The following P3H2 variants were observed in gnomAD, a reference collection of about 807,000 sequenced individuals.
P3H2 encodes prolyl 3-hydroxylase 2, also known as leprecan-like 1.
Under a neutral mutation model 87.0 loss-of-function variants are expected in P3H2, and 80 were observed. That is an observed-to-expected ratio of 0.92 (90% CI 0.77 to 1.11). P3H2 has a LOEUF of 1.11. P3H2 is among the 50% of genes least tolerant of loss of function. The pLI is 0.00. For synonymous variants in P3H2, 367 were observed against 359.3 expected, an observed-to-expected ratio of 1.02 and a Z score of -0.24; for missense variants, 1,001 against 923.9, an observed-to-expected ratio of 1.08 and a Z score of -1.08.
chr3:190,049,805 T>A (rs372918610), intron 1 of P3H2, among the ~76,000 whole-genome samples: 50 of 152,322 alleles, frequency 3.3e-4, no homozygotes, highest in African/African-American at 1.2e-3. Flanking sequence ...TCACCTCCTT[T>A]AAGTGCATTT....
At chr3:190,076,477 G>C (rs1346988997) in intron 1 of P3H2, among the ~76,000 whole-genome samples, 1 of 152,160 alleles carries the variant, frequency 6.6e-6, no homozygotes, top group African/African-American at 2.4e-5. Flanking sequence ...TATTACTACA[G>C]CTGCAGCAAA....
intron 1 of P3H2, among the ~76,000 whole-genome samples, chr3:190,001,973 C>T (rs1724230560): frequency 6.6e-6 from 1 of 152,108 alleles, no homozygotes; most frequent in Non-Finnish European, 1.5e-5. Context: ...GCAGTTTGTT[C>T]AACCTACTGA....
At chr3:190,053,858 G>A (rs927373494) in intron 1 of P3H2, among the ~76,000 whole-genome samples, 2 of 152,026 alleles carry the variant, frequency 1.3e-5, no homozygotes, top group African/African-American at 2.4e-5. Context: ...TAATCAAGAC[G>A]TATTTTTCAA....
chr3:190,018,161 C>T (rs1724827827), intron 1 of P3H2, among the ~76,000 whole-genome samples: 1 of 152,166 alleles, frequency 6.6e-6, no homozygotes, highest in South Asian at 2.1e-4. Flanking sequence ...TCTATTTTAA[C>T]ATCGATTTTA....
intron 1 of P3H2, among the ~76,000 whole-genome samples, chr3:190,085,007 G>C (rs977278577): frequency 1.3e-5 from 2 of 151,864 alleles, no homozygotes; most frequent in African/African-American, 4.8e-5. Context: ...AAAAATTTAA[G>C]ATGGTGTTCA....
intron 14 of P3H2, among the ~76,000 whole-genome samples, chr3:189,962,146 CTTT>C (rs1722834082): frequency 8.5e-6 from 1 of 117,688 alleles, no homozygotes; most frequent in African/African-American, 3.1e-5. Flanking sequence ...GCCTTTCTTT[CTTT>C]TTCTTCTTCT....
intron 8 of P3H2, among the ~76,000 whole-genome samples, chr3:189,976,363 T>C (rs1047282017): frequency 4.6e-5 from 7 of 152,172 alleles, no homozygotes; most frequent in East Asian, 1.9e-4. Context: ...CTCACAATCA[T>C]GGTGGAAGGC....
chr3:190,016,872 C>T (rs1724772596), intron 1 of P3H2, among the ~76,000 whole-genome samples: 2 of 152,164 alleles, frequency 1.3e-5, no homozygotes, highest in Non-Finnish European at 2.9e-5. Flanking sequence ...GCAGCTTTGG[C>T]CATTCCAGAG....
At chr3:190,071,624 G>A (rs1193478834) in intron 1 of P3H2, among the ~76,000 whole-genome samples, 2 of 152,114 alleles carry the variant, frequency 1.3e-5, no homozygotes, top group Non-Finnish European at 2.9e-5. Flanking sequence ...AACTTATTGT[G>A]CTATTCATGG....
intron 1 of P3H2, among the ~76,000 whole-genome samples, chr3:189,998,624 T>C (rs1005731836): frequency 1.3e-5 from 2 of 152,218 alleles, no homozygotes; most frequent in Admixed American, 1.3e-4. Context: ...GGTATATTAA[T>C]CTTTTTATTT....
chr3:189,969,386 G>T, intron 13 of P3H2: 1 of 797,928 alleles, frequency 1.3e-6, no homozygotes, highest in South Asian at 1.4e-5. Context: ...TGTCACCAGA[G>T]TCCTAGCTTC....
intron 1 of P3H2, among the ~76,000 whole-genome samples, chr3:190,035,612 T>C (rs1725394828): frequency 6.6e-6 from 1 of 152,182 alleles, no homozygotes; most frequent in Admixed American, 6.5e-5. Flanking sequence ...ATTAATAATC[T>C]TATGCGTTTT....
chr3:189,973,933 A>T lies in P3H2; in HGVS notation c.1524T>A (p.Gly508=). 1.2e-6 allele frequency: 2 copies of T among 1,614,026 alleles called. No homozygotes were observed. The highest frequency in any genetic ancestry group is 1.7e-6 in the Non-Finnish European group (2 of 1,179,910). ...SPHTPNEKFE[G]ATVLKALKSG... ...CTTTGAGTGCTTTCAGGACAGTTGC[A>T]CCTTCAAACTTTTCATTGGGTGTAT... Residue 508 remains glycine (G), a synonymous_variant, in exon 10 of 15, where the codon GGT becomes GGA. Transcript: ENST00000319332.
In P3H2 at chr3:190,071,199, G is replaced by C. The variant is rs77940358; in HGVS notation, c.480+49053C>G. On this transcript the variant is annotated intron_variant, in intron 1 of 14. Coordinates refer to ENST00000319332, the MANE Select transcript of P3H2 (RefSeq NM_018192.4). ...ACGGTTTGCTTCAGGCACTCAGATA[G>C]TATCCAAATATTTACTAGGTAAATG... is the stretch of plus-strand genomic sequence containing the variant. 2.2e-4 allele frequency among the ~76,000 whole-genome samples: 33 copies of C among 152,272 alleles called. No homozygotes were observed. In the East Asian group the frequency reaches 6.4e-3, roughly 29 times the overall value.
chr3:190,020,798 G>T (rs1276092869), intron 1 of P3H2, among the ~76,000 whole-genome samples: 1 of 133,468 alleles, frequency 7.5e-6, no homozygotes, highest in Admixed American at 7.7e-5. Context: ...TTTTAGAAAG[G>T]CTTCCTAAGG....
rs140544765 is a variant in P3H2, at chr3:189,971,904, T to C, written c.1803A>G (p.Thr601=). 1.2e-4 allele frequency: 192 copies of C among 1,602,804 alleles called. 1 individual carries two copies. In the Middle Eastern group the frequency reaches 8.9e-3, roughly 75 times the overall value. Residue 601 remains threonine (T), a synonymous_variant, in exon 12 of 15, where the codon ACA becomes ACG. Transcript: ENST00000319332. ...TCTAGCTATACCTATAGTCTCGAAA[T>C]GTGTAAGCAGGAGGCTCCTTCCAGC... ...NECWKEPPAY[T]FRDYSALLYM...
chr3:189,981,041 G>T (rs1249287165), intron 8 of P3H2, among the ~76,000 whole-genome samples: 1 of 152,194 alleles, frequency 6.6e-6, no homozygotes, highest in Non-Finnish European at 1.5e-5. Flanking sequence ...AGGGTGGTTT[G>T]CCCATGGAGG....
At chr3:190,121,051 G>C, upstream of P3H2, 1 of 364,392 alleles carries the variant, frequency 2.7e-6, no homozygotes, top group East Asian at 5.0e-5. Flanking sequence ...CAGAGAGCTA[G>C]CGCCGCTTGA....
chr3:189,972,958 G>A lies in P3H2; in HGVS notation c.1615C>T (p.Arg539Ter), dbSNP rs1384962507. 6.2e-6 allele frequency: 10 copies of A among 1,613,492 alleles called. No homozygotes were observed. The highest frequency in any genetic ancestry group is 1.7e-5 in the Admixed American group (1 of 59,966). ...RLFYDISEKA[R>*]RIVESYFMLN... ...ATAAAATAAGATTCTACAATCCTTC[G>A]AGCCTTTTCGCTGATGTCATAAAAC... Residue 539 changes from arginine to a stop codon, truncating the protein, a stop_gained, in exon 11 of 15, where the codon CGA becomes TGA. Coordinates refer to ENST00000319332, the MANE Select transcript of P3H2 (RefSeq NM_018192.4). LOFTEE classifies it high-confidence loss of function.
Sources: gnomAD v4.1 joint callset for allele counts (sites outside exome capture counted in the v4.1 genomes callset) on GRCh38, gnomAD v4.1.1 for gene constraint, MANE v1.5 for transcripts, NCBI Gene and HGNC (gene_info 2026-07-23, HGNC 2026-07-21) for gene names.